The following ULK4 variants were observed in gnomAD, a reference collection of about 807,000 sequenced individuals.
ULK4 encodes unc-51 like kinase 4, also known as inactive serine/threonine-protein kinase ULK4.
Under a neutral mutation model 160.6 loss-of-function variants are expected in ULK4, and 133 were observed. The ratio of observed to expected loss-of-function variants is 0.83; its 90% confidence interval spans 0.72 to 0.96. The LOEUF is 0.96. ULK4 is among the 40% of genes least tolerant of loss of function. ULK4 has a pLI of 0.00. For synonymous variants in ULK4, 534 were observed against 539.8 expected (o/e 0.99, Z 0.15); for missense variants, 1,580 against 1,499.5 (o/e 1.05, Z -0.89).
At chr3:41,471,618 G>A (rs962238805) in intron 32 of ULK4, among the ~76,000 whole-genome samples, 4 of 152,152 alleles carry the variant, frequency 2.6e-5, no homozygotes, top group Non-Finnish European at 5.9e-5. Flanking sequence ...GTCTTCACAA[G>A]TATTCACAAA....
At chr3:41,497,003 T>C (rs1342192223) in intron 32 of ULK4, among the ~76,000 whole-genome samples, 1 of 150,046 alleles carries the variant, frequency 6.7e-6, no homozygotes, top group Non-Finnish European at 1.5e-5. Context: ...CAAAAATTAT[T>C]ATGTATGCAA....
chr3:41,775,954 G>T lies in ULK4; in HGVS notation c.2193+13707C>A, dbSNP rs148982897. ...ACTTTTACATTCTGCATCATCTTAT[G>T]TTACTGCAAACACTACTGTGATAAA... On this transcript the variant is annotated intron_variant, in intron 21 of 36. Coordinates refer to ENST00000301831, the MANE Select transcript of ULK4 (RefSeq NM_017886.4). Among the ~76,000 whole-genome samples the T allele has an allele frequency of 3.3e-3, 501 of 150,786 alleles. 36 individuals are homozygous for T. The highest frequency in any genetic ancestry group is 0.012 in the African/African-American group (477 of 40,202).
chr3:41,891,504 A>C (rs1013652078), intron 16 of ULK4, among the ~76,000 whole-genome samples: 1 of 151,882 alleles, frequency 6.6e-6, no homozygotes, highest in African/African-American at 2.4e-5. Context: ...AAAAAAGGTA[A>C]GGTTTACCCA....
At chr3:41,781,337 A>G (rs982654443) in intron 21 of ULK4, among the ~76,000 whole-genome samples, 1 of 151,808 alleles carries the variant, frequency 6.6e-6, no homozygotes, top group African/African-American at 2.4e-5. Flanking sequence ...GAATGGCGTG[A>G]ACCCAGGAGG....
intron 35 of ULK4, among the ~76,000 whole-genome samples, chr3:41,339,706 G>A (rs899995154): frequency 1.3e-5 from 2 of 152,200 alleles, no homozygotes; most frequent in African/African-American, 4.8e-5. Flanking sequence ...CTCTTATACA[G>A]TAAAGGTGGG....
At chr3:41,511,744 C>G (rs796208585) in intron 32 of ULK4, among the ~76,000 whole-genome samples, 122 of 152,230 alleles carry the variant, frequency 8.0e-4, no homozygotes, top group African/African-American at 2.9e-3. Context: ...CCTAGTGACA[C>G]TATTCCATAG....
chr3:41,538,381 TG>T (rs940012921), intron 32 of ULK4, among the ~76,000 whole-genome samples: 3 of 152,162 alleles, frequency 2.0e-5, no homozygotes, highest in African/African-American at 7.2e-5. Flanking sequence ...GTCCTTACAT[TG>T]GATTCATTTA....
chr3:41,251,421 G>A (rs936082144), intron 35 of ULK4, among the ~76,000 whole-genome samples: 83 of 152,166 alleles, frequency 5.5e-4, no homozygotes, highest in African/African-American at 2.0e-3. Context: ...AATCTACAGC[G>A]CAGCTATTTC....
At chr3:41,633,985 A>G (rs1420406264) in intron 30 of ULK4, among the ~76,000 whole-genome samples, 1 of 152,224 alleles carries the variant, frequency 6.6e-6, no homozygotes, top group Admixed American at 6.5e-5. Context: ...ATTCTACAAT[A>G]GAGAAAACCA....
At chr3:41,698,047 A>G (rs2036557669) in intron 27 of ULK4, among the ~76,000 whole-genome samples, 2 of 152,232 alleles carry the variant, frequency 1.3e-5, no homozygotes, top group Admixed American at 1.3e-4. Context: ...TATTCAGTGC[A>G]GTAACATGCT....
At chr3:41,803,145 T>C (rs1289527677) in intron 19 of ULK4, among the ~76,000 whole-genome samples, 1 of 129,056 alleles carries the variant, frequency 7.7e-6, no homozygotes. Flanking sequence ...CACTCCAGCC[T>C]GGGCTTACAG....
chr3:41,271,112 C>T (rs560605395), intron 35 of ULK4, among the ~76,000 whole-genome samples: 3 of 152,190 alleles, frequency 2.0e-5, no homozygotes, highest in Admixed American at 2.0e-4. Context: ...ATACAATTTG[C>T]TAAGTTTGGA....
intron 35 of ULK4, among the ~76,000 whole-genome samples, chr3:41,253,210 C>T (rs938645394): frequency 6.6e-6 from 1 of 151,872 alleles, no homozygotes; most frequent in South Asian, 2.1e-4. Flanking sequence ...CTTGGAACAT[C>T]AGGAATGAAG....
intron 22 of ULK4, among the ~76,000 whole-genome samples, chr3:41,721,305 G>T (rs1246301551): frequency 7.3e-5 from 5 of 68,236 alleles, no homozygotes; most frequent in African/African-American, 1.8e-4. Context: ...CCATGAGTAT[G>T]TGTTACCTAC....
intron 9 of ULK4, among the ~76,000 whole-genome samples, chr3:41,912,273 G>A (rs999386867): frequency 6.8e-6 from 1 of 146,562 alleles, no homozygotes; most frequent in Admixed American, 7.0e-5. Flanking sequence ...AGGCTGCAAT[G>A]CACCATGATT....
Position 41,464,791 on chromosome 3 carries a change from A to G in ULK4, c.3227-1538T>C, listed in dbSNP as rs1295855335. Among the ~76,000 whole-genome samples, 4 of 152,210 alleles carry G rather than the reference A, an allele frequency of 2.6e-5. No individual in the cohort carries two copies. The East Asian group carries it at 7.7e-4, about 29-fold the overall frequency. On this transcript the variant is annotated intron_variant, in intron 32 of 36. Transcript: ENST00000301831. The stretch of plus-strand genomic sequence containing the variant: ...GGTGGAGTCCAGCTCTGTGAGCAGC[A>G]AAGAAGGATATGGTTCTTTAGGAGG...
At chr3:41,690,383 T>C (rs1381680082) in intron 27 of ULK4, among the ~76,000 whole-genome samples, 1 of 151,288 alleles carries the variant, frequency 6.6e-6, no homozygotes, top group Non-Finnish European at 1.5e-5. Flanking sequence ...ATGGCACATG[T>C]ATACATATGT....
chr3:41,799,604 G>A (rs2040397147), intron 20 of ULK4, among the ~76,000 whole-genome samples: 1 of 152,118 alleles, frequency 6.6e-6, no homozygotes, highest in Non-Finnish European at 1.5e-5. Flanking sequence ...GCTCATCCAC[G>A]TAATTCCAGC....
intron 35 of ULK4, among the ~76,000 whole-genome samples, chr3:41,375,215 A>G (rs988576282): frequency 2.0e-5 from 3 of 152,194 alleles, no homozygotes; most frequent in Non-Finnish European, 2.9e-5. Flanking sequence ...TGCCCAAAGT[A>G]ATTTACAGAT....
Sources: allele counts gnomAD v4.1 joint callset (sites outside exome capture counted in the v4.1 genomes callset), GRCh38; gene constraint gnomAD v4.1.1; transcripts MANE v1.5; gene names NCBI Gene and HGNC (gene_info 2026-07-23, HGNC 2026-07-21).